The following GPT2 variants were observed in gnomAD, a reference collection of about 807,000 sequenced individuals.
The protein encoded by GPT2 is glutamic--pyruvic transaminase 2.
GPT2 carries 30 observed loss-of-function variants against 56.9 expected under a neutral mutation model. The ratio of observed to expected loss-of-function variants is 0.53; its 90% CI spans 0.39 to 0.72. The LOEUF is 0.72. Among genes scored for constraint, GPT2 ranks in the 30% least tolerant of loss-of-function variants. The pLI is 0.00. For missense variants in GPT2, 542 were observed against 703.4 expected, an observed-to-expected ratio of 0.77 and a Z score of 2.60; for synonymous variants, 271 against 283.1, an observed-to-expected ratio of 0.96 and a Z score of 0.43.
chr16:46,911,217 A>T (rs1961041077), intron 6 of GPT2, among the ~76,000 whole-genome samples: 1 of 152,202 alleles, frequency 6.6e-6, no homozygotes, highest in African/African-American at 2.4e-5. Context: ...TTTAAAAAAA[A>T]GTCTGCAGTC....
chr16:46,890,579 C>T (rs985260307), intron 2 of GPT2, among the ~76,000 whole-genome samples: 2 of 152,132 alleles, frequency 1.3e-5, no homozygotes, highest in African/African-American at 2.4e-5. Flanking sequence ...CCATCCCTTG[C>T]ATAAGGAAAC....
intron 2 of GPT2, among the ~76,000 whole-genome samples, chr16:46,886,449 T>TC (rs1960485990): frequency 6.6e-6 from 1 of 152,202 alleles, no homozygotes; most frequent in South Asian, 2.1e-4. Context: ...AAGGGCACTG[T>TC]CTTTGCCTTG....
At chr16:46,920,035 C>T (rs1280241368) in intron 8 of GPT2, among the ~76,000 whole-genome samples, 1 of 152,174 alleles carries the variant, frequency 6.6e-6, no homozygotes, top group Non-Finnish European at 1.5e-5. Context: ...AGCAAGACCC[C>T]TTCTCTACAA....
chr16:46,927,362 T>C (rs944334668), intron 11 of GPT2, among the ~76,000 whole-genome samples: 2 of 152,238 alleles, frequency 1.3e-5, no homozygotes, highest in Admixed American at 6.5e-5. Flanking sequence ...TTTTCAACTC[T>C]GCGATGGCAG....
At chr16:46,924,255 A>C (rs1204752468) in intron 9 of GPT2, 134 bp from the exon 10 acceptor site, 1 of 935,188 alleles carries the variant, frequency 1.1e-6, no homozygotes. Flanking sequence ...CGCATGGGTC[A>C]GAGGGGACAT....
At position 46,929,357 on chromosome 16, in the gene GPT2, G is replaced by T; in HGVS notation, c.*360G>T. On this transcript the variant is annotated 3_prime_UTR_variant, in exon 12 of 12. Transcript: ENST00000340124. ...GAGAAATGAGCAGGTGTCGGGAAAT[G>T]TGTGACTTAACCGTGGTGAGGGCTG... is the stretch of plus-strand genomic sequence containing the variant. The T allele has an allele frequency of 3.9e-6, 1 of 256,312 alleles. No homozygotes were observed. The highest frequency in any genetic ancestry group is 7.8e-6 in the Non-Finnish European group (1 of 128,402). The allele number at this position is 256,312 out of a possible 1,614,324, so 15.9% of individuals were successfully genotyped here.
chr16:46,902,477 G>A (rs542751561), intron 4 of GPT2, among the ~76,000 whole-genome samples: 11 of 152,242 alleles, frequency 7.2e-5, no homozygotes, highest in African/African-American at 2.2e-4. Flanking sequence ...TAGTGGTGTC[G>A]CTCTCTGTCA....
At chr16:46,886,174 T>C (rs1960479589) in intron 2 of GPT2, among the ~76,000 whole-genome samples, 1 of 152,182 alleles carries the variant, frequency 6.6e-6, no homozygotes, top group Non-Finnish European at 1.5e-5. Flanking sequence ...GGGAGGAGGC[T>C]GGCTTTGTTT....
intron 7 of GPT2, among the ~76,000 whole-genome samples, chr16:46,917,461 A>T (rs1272324001): frequency 1.3e-5 from 2 of 152,190 alleles, no homozygotes; most frequent in Non-Finnish European, 2.9e-5. Context: ...CATCTCAGGA[A>T]GGGATCTTAA....
intron 6 of GPT2, among the ~76,000 whole-genome samples, chr16:46,914,240 T>C (rs1961099778): frequency 6.6e-6 from 1 of 152,162 alleles, no homozygotes; most frequent in Non-Finnish European, 1.5e-5. Flanking sequence ...TTTGCACTCA[T>C]TTCTCTAAAA....
chr16:46,885,468 G>A, intron 2 of GPT2: 1 of 985,434 alleles, frequency 1.0e-6, no homozygotes, highest in Non-Finnish European at 1.2e-6. Flanking sequence ...GGCCTTTAGG[G>A]TCTTTGCCAA....
intron 9 of GPT2, among the ~76,000 whole-genome samples, chr16:46,923,518 T>C (rs539382998): frequency 6.6e-6 from 1 of 152,334 alleles, no homozygotes; most frequent in East Asian, 1.9e-4. Flanking sequence ...ATTTTCCTTA[T>C]CATGATGTCC....
chr16:46,921,278 A>G (rs1350674339), intron 8 of GPT2, among the ~76,000 whole-genome samples: 2 of 152,136 alleles, frequency 1.3e-5, no homozygotes, highest in Non-Finnish European at 2.9e-5. Flanking sequence ...GGTTCAAGCA[A>G]TTCTCCTGCC....
At chr16:46,885,246 C>T (rs947682140) in intron 2 of GPT2, 158 of 1,182,100 alleles carry the variant, frequency 1.3e-4, no homozygotes, top group Admixed American at 6.8e-4. Flanking sequence ...GCCCTACTCT[C>T]GTGGAACCAA....
chr16:46,892,295 C>T (rs1960601102), intron 2 of GPT2, among the ~76,000 whole-genome samples: 1 of 152,008 alleles, frequency 6.6e-6, no homozygotes, highest in Non-Finnish European at 1.5e-5. Context: ...AATAATAGTC[C>T]ATTGTGTATA....
At chr16:46,894,610 T>C (rs1483406031) in intron 2 of GPT2, among the ~76,000 whole-genome samples, 1 of 151,706 alleles carries the variant, frequency 6.6e-6, no homozygotes, top group Non-Finnish European at 1.5e-5. Flanking sequence ...CCCCATGCAG[T>C]GGGCAGTGCT....
At chr16:46,887,859 C>G (rs1008398324) in intron 2 of GPT2, among the ~76,000 whole-genome samples, 2 of 152,024 alleles carry the variant, frequency 1.3e-5, no homozygotes, top group Non-Finnish European at 1.5e-5. Flanking sequence ...GTGGGGAGGT[C>G]GGCTAAGGGC....
In GPT2 at chr16:46,918,747, T is replaced by G; in HGVS notation, c.1027T>G (p.Tyr343Asp). The G allele has an allele frequency of 6.2e-7, 1 of 1,614,060 alleles. No individual in the cohort carries two copies. The highest frequency in any genetic ancestry group is 8.5e-7 in the Non-Finnish European group (1 of 1,180,018). The change falls in exon 8 of 12, where the codon TAC (tyrosine) becomes GAC (aspartate). Residue 343 changes from tyrosine (Y) to aspartate (D), a missense_variant. By Grantham distance (160) the Tyr-to-Asp change is radical. Coordinates refer to ENST00000340124, the MANE Select transcript of GPT2 (RefSeq NM_133443.4). ...CTCCTTCCACTCCACCTCCAAGGGC[T>G]ACATGGGCGAGTACGTGGGCCTCCC... ...LASFHSTSKG[Y>D]MGECGYRGGY...
Position 46,916,607 on chromosome 16 carries a change from GT to G in GPT2, c.821-17del. 6.3e-7 allele frequency: 1 copy of G among 1,598,806 alleles called. No individual in the cohort carries two copies. Among genetic ancestry groups the G allele is most frequent in the Admixed American group, 1.7e-5 (1 of 60,004 alleles). ...AAACAGCATTACAACCGACATTTTG[GT>G]TTTCTTGGGGATTTTATAGGCCAGG... On this transcript the variant is annotated intron_variant, in intron 6 of 11. Coordinates refer to ENST00000340124, the MANE Select transcript of GPT2 (RefSeq NM_133443.4).
Sources: allele counts gnomAD v4.1 joint callset (sites outside exome capture counted in the v4.1 genomes callset), GRCh38; gene constraint gnomAD v4.1.1; transcripts MANE v1.5; gene names NCBI Gene and HGNC (gene_info 2026-07-23, HGNC 2026-07-21).